ASAP1: variants seen among roughly 807,000 people sequenced by gnomAD.
The protein encoded by ASAP1 is ArfGAP with SH3 domain, ankyrin repeat and PH domain 1, also known as arf-GAP with SH3 domain, ANK repeat and PH domain-containing protein 1.
ASAP1 carries 43 observed loss-of-function variants against 145.2 expected under a neutral mutation model. The ratio of observed to expected loss-of-function variants is 0.30; its 90% CI spans 0.23 to 0.38. The LOEUF is 0.38. Ranked by LOEUF, ASAP1 falls within the 10% of genes least tolerant of loss-of-function variation. The pLI is 1.00. For synonymous variants in ASAP1, 546 were observed against 515.5 expected (o/e 1.06, Z -0.80); for missense variants, 1,018 against 1,355.3 (o/e 0.75, Z 3.91).
At chr8:130,075,482 A>G (rs1011006323) in intron 27 of ASAP1, among the ~76,000 whole-genome samples, 1 of 152,218 alleles carries the variant, frequency 6.6e-6, no homozygotes, top group African/African-American at 2.4e-5. Flanking sequence ...CTGGGGTCAC[A>G]AATCTTGCTG....
intron 15 of ASAP1, among the ~76,000 whole-genome samples, chr8:130,129,232 A>G (rs2097579683): frequency 6.6e-6 from 1 of 152,244 alleles, no homozygotes; most frequent in Non-Finnish European, 1.5e-5. Context: ...TCTTTCCTTT[A>G]TAAATTACCC....
At chr8:130,380,777 G>A (rs150101251) in intron 2 of ASAP1, among the ~76,000 whole-genome samples, 26 of 152,238 alleles carry the variant, frequency 1.7e-4, no homozygotes, top group African/African-American at 5.8e-4. Context: ...GCAGGCTGAC[G>A]TGCAGTCATG....
chr8:130,353,895 T>A (rs1250091149), intron 3 of ASAP1, among the ~76,000 whole-genome samples: 1 of 151,900 alleles, frequency 6.6e-6, no homozygotes, highest in Non-Finnish European at 1.5e-5. Flanking sequence ...GAGTGAGATT[T>A]TTTTTTTTTG....
At chr8:130,132,241 G>A (rs1307386362) in intron 15 of ASAP1, among the ~76,000 whole-genome samples, 2 of 152,184 alleles carry the variant, frequency 1.3e-5, no homozygotes, top group Admixed American at 6.5e-5. Flanking sequence ...GGATTAATAA[G>A]ACATGAAGTG....
chr8:130,305,532 T>A (rs1347279217), intron 3 of ASAP1, among the ~76,000 whole-genome samples: 1 of 152,056 alleles, frequency 6.6e-6, no homozygotes, highest in Non-Finnish European at 1.5e-5. Flanking sequence ...TCTGGCTAAT[T>A]TTTGTATTTT....
At chr8:130,054,911 G>T in intron 29 of ASAP1, 106 bp from the exon 30 acceptor site, 1 of 852,044 alleles carries the variant, frequency 1.2e-6, no homozygotes, top group Non-Finnish European at 2.0e-6. Flanking sequence ...ACCTGGCGGT[G>T]GAATCCCAGG....
intron 7 of ASAP1, among the ~76,000 whole-genome samples, chr8:130,183,053 C>T (rs77810224): frequency 0.027 from 4,026 of 151,818 alleles, 64 homozygotes; most frequent in Middle Eastern, 0.044. Context: ...AAAGAAAAAA[C>T]AGGAAGAATT....
intron 3 of ASAP1, among the ~76,000 whole-genome samples, chr8:130,256,740 TATATATA>T (rs1245978296): frequency 8.7e-5 from 1 of 11,502 alleles, no homozygotes; most frequent in Non-Finnish European, 1.5e-4. Flanking sequence ...TACACATTCT[TATATATA>T]TATATATATA....
At chr8:130,212,986 A>T (rs1166536473) in intron 5 of ASAP1, among the ~76,000 whole-genome samples, 1 of 152,240 alleles carries the variant, frequency 6.6e-6, no homozygotes, top group Admixed American at 6.5e-5. Context: ...TTTACCAGCT[A>T]TTACCAAAGT....
At chr8:130,109,752 T>C (rs1249063917) in intron 24 of ASAP1, among the ~76,000 whole-genome samples, 4 of 152,166 alleles carry the variant, frequency 2.6e-5, no homozygotes, top group African/African-American at 9.7e-5. Context: ...TTCTAAACAT[T>C]ATCAGTTTTC....
At chr8:130,201,444 T>C (rs547201215) in intron 5 of ASAP1, among the ~76,000 whole-genome samples, 10 of 152,356 alleles carry the variant, frequency 6.6e-5, no homozygotes, top group African/African-American at 2.4e-4. Context: ...CCAGGGAATA[T>C]GAGAATTCCT....
intron 3 of ASAP1, among the ~76,000 whole-genome samples, chr8:130,277,919 T>C (rs1204295226): frequency 6.6e-6 from 1 of 152,118 alleles, no homozygotes; most frequent in Non-Finnish European, 1.5e-5. Context: ...GCAGGGAGCC[T>C]CTCGGGAGGA....
chr8:130,216,429 A>C (rs1484974597), intron 4 of ASAP1, among the ~76,000 whole-genome samples: 1 of 152,220 alleles, frequency 6.6e-6, no homozygotes, highest in Non-Finnish European at 1.5e-5. Context: ...GCTGACATAA[A>C]GTATATAAAA....
intron 4 of ASAP1, among the ~76,000 whole-genome samples, chr8:130,218,354 A>G (rs189749029): frequency 9.2e-5 from 14 of 152,366 alleles, no homozygotes; most frequent in South Asian, 2.1e-4. Flanking sequence ...AGTGAAAAAT[A>G]TAATTAGTTA....
intron 1 of ASAP1, among the ~76,000 whole-genome samples, chr8:130,418,539 AAAAT>A (rs71572335): frequency 0.42 from 62,079 of 147,510 alleles, 13,325 homozygotes; most frequent in Non-Finnish European, 0.47. Flanking sequence ...CCTCTGTCTC[AAAAT>A]AAATAAATAA....
chr8:130,368,322 C>T (rs112416877), intron 2 of ASAP1, among the ~76,000 whole-genome samples: 4 of 152,136 alleles, frequency 2.6e-5, no homozygotes, highest in African/African-American at 7.2e-5. Flanking sequence ...ACTTTTCTCC[C>T]GATGTTTGGG....
chr8:130,260,220 G>C (rs1317187582), intron 3 of ASAP1, among the ~76,000 whole-genome samples: 1 of 152,146 alleles, frequency 6.6e-6, no homozygotes, highest in Non-Finnish European at 1.5e-5. Flanking sequence ...TAAAACCTGA[G>C]AGAGTATTCA....
rs1228338041 is a variant in ASAP1 at position 130,256,746 on chromosome 8, T to TATATATCC, written c.187-19753_187-19752insGGATATAT. Among the ~76,000 whole-genome samples the TATATATCC allele has an allele frequency of 1.4e-3, 46 of 32,426 alleles. 1 individual carries two copies. The East Asian group carries it at 0.062, about 44-fold the overall frequency. The allele number at this position is 32,426 out of a possible 152,430, so 21.3% of individuals were successfully genotyped here. The stretch of plus-strand genomic sequence containing the variant: ...TCCTGAATATACACATTCTTATATA[T>TATATATCC]ATATATATATATATATATATATATA... On this transcript the variant is annotated intron_variant, in intron 3 of 29. Transcript: ENST00000518721.
At chr8:130,441,888 T>A (rs1316322976) in intron 1 of ASAP1, among the ~76,000 whole-genome samples, 1 of 152,202 alleles carries the variant, frequency 6.6e-6, no homozygotes, top group Non-Finnish European at 1.5e-5. Flanking sequence ...ACAGGAGGGC[T>A]GAAAATCAAG....
Sources: gnomAD v4.1 joint callset for allele counts (sites outside exome capture counted in the v4.1 genomes callset) on GRCh38, gnomAD v4.1.1 for gene constraint, MANE v1.5 for transcripts, NCBI Gene and HGNC (gene_info 2026-07-23, HGNC 2026-07-21) for gene names.